The following RASSF3 variants were observed in gnomAD, a reference collection of about 807,000 sequenced individuals.
RASSF3 encodes ras association domain-containing protein 3.
In RASSF3, 19 loss-of-function variants were observed where a neutral mutation model predicts 19.9. That is an observed-to-expected ratio of 0.96 (90% confidence interval 0.67 to 1.40). The LOEUF (loss-of-function observed/expected upper bound fraction) is 1.40, where lower values mean the gene tolerates loss of function less well. RASSF3 is among the 40% of genes most tolerant of loss of function. The probability of loss-of-function intolerance (pLI) is 0.00; values close to 1 mark genes in which losing one functional copy is unlikely to be tolerated. For missense variants in RASSF3, 306 were observed against 289.8 expected (o/e 1.06, Z -0.41); for synonymous variants, 110 against 104.2 (o/e 1.06, Z -0.34).
At chr12:64,516,998 CAAAAAAAAAAAAAAA>C (rs371430838) in intron 1 of RASSF3, among the ~76,000 whole-genome samples, 161 of 51,976 alleles carry the variant, frequency 3.1e-3, no homozygotes, top group Middle Eastern at 0.022. Flanking sequence ...AAATCTGTCT[CAAAAAAAAAAAAAAA>C]AAAAAAAAGA....
chr12:64,584,139 G>A (rs1360130897), intron 2 of RASSF3, among the ~76,000 whole-genome samples: 1 of 152,188 alleles, frequency 6.6e-6, no homozygotes, highest in Non-Finnish European at 1.5e-5. Context: ...TATAACTTAT[G>A]AGCTGCAGCA....
At chr12:64,613,487 G>A (rs1870444506) in intron 1 of RASSF3, among the ~76,000 whole-genome samples, 1 of 152,020 alleles carries the variant, frequency 6.6e-6, no homozygotes, top group African/African-American at 2.4e-5. Context: ...GGAGCGGGTG[G>A]ACTGGAAATT....
At chr12:64,667,449 C>T (rs1054004184) in intron 1 of RASSF3, among the ~76,000 whole-genome samples, 12 of 152,194 alleles carry the variant, frequency 7.9e-5, no homozygotes, top group South Asian at 2.1e-4. Flanking sequence ...GCCTCAGCCT[C>T]CCAAAGTACT....
At chr12:64,542,761 G>A (rs536576415), downstream of RASSF3, among the ~76,000 whole-genome samples, 1 of 152,328 alleles carries the variant, frequency 6.6e-6, no homozygotes, top group East Asian at 1.9e-4. Flanking sequence ...ATGGTGGTGA[G>A]AGGTGACAGC....
chr12:64,670,698 C>G (rs1872674969), intron 1 of RASSF3, among the ~76,000 whole-genome samples: 1 of 152,124 alleles, frequency 6.6e-6, no homozygotes, highest in Admixed American at 6.5e-5. Flanking sequence ...TTGTCAGTGG[C>G]CCTGGCCAGA....
At chr12:64,557,182 G>C (rs1025789512) in intron 2 of RASSF3, among the ~76,000 whole-genome samples, 1 of 151,964 alleles carries the variant, frequency 6.6e-6, no homozygotes, top group Non-Finnish European at 1.5e-5. Context: ...TCTCACCTTG[G>C]CAGTTCTCAG....
intron 1 of RASSF3, among the ~76,000 whole-genome samples, chr12:64,682,566 C>CA (rs549058845): frequency 0.067 from 5,410 of 81,150 alleles, 390 homozygotes; most frequent in African/African-American, 0.2. Context: ...GACTCCGTCT[C>CA]AAAAAAAAAA....
At chr12:64,635,561 C>G (rs1232306582) in intron 1 of RASSF3, among the ~76,000 whole-genome samples, 2 of 152,204 alleles carry the variant, frequency 1.3e-5, no homozygotes, top group Non-Finnish European at 2.9e-5. Flanking sequence ...CATACTGATT[C>G]ATCTCATTCT....
intron 2 of RASSF3, among the ~76,000 whole-genome samples, chr12:64,603,171 T>G (rs4964093): frequency 0.32 from 49,322 of 151,910 alleles, 9,463 homozygotes; most frequent in Non-Finnish European, 0.43. Flanking sequence ...AACTTTTTTT[T>G]TTGTTGTTGT....
rs904112147 is a variant in RASSF3, at chr12:64,603,910, C to T, written c.294+62205C>T. ...GTCGCCAGGCTGGAGTGCAGTGGCA[C>T]GATCTTGGCTCACTGCAATGTCTGC... On this transcript the variant is annotated intron_variant, in intron 2 of 5. Coordinates refer to the RASSF3 transcript ENST00000637125. 2.6e-5 allele frequency among the ~76,000 whole-genome samples: 4 copies of T among 151,134 alleles called. No individual in the cohort carries two copies. In the East Asian group the frequency reaches 7.8e-4, roughly 30 times the overall value.
At chr12:64,655,034 T>G (rs537928343) in intron 1 of RASSF3, 84 of 152,314 alleles carry the variant, frequency 5.5e-4, no homozygotes, top group African/African-American at 1.8e-3. Context: ...CCAGTACGTA[T>G]CCCAAGACAA....
intron 1 of RASSF3, among the ~76,000 whole-genome samples, chr12:64,639,394 T>C (rs142875285): frequency 1.0e-3 from 152 of 152,148 alleles, no homozygotes; most frequent in African/African-American, 3.6e-3. Flanking sequence ...TGCCCACCTG[T>C]AATTTGACTT....
intron 2 of RASSF3, among the ~76,000 whole-genome samples, chr12:64,563,227 C>T (rs1433092093): frequency 6.6e-6 from 1 of 150,990 alleles, no homozygotes; most frequent in South Asian, 2.1e-4. Context: ...AGGACAATTG[C>T]GTGATCTCGG....
intron 1 of RASSF3, among the ~76,000 whole-genome samples, chr12:64,663,840 C>CTTTTT (rs34450092): frequency 7.4e-4 from 54 of 73,056 alleles, no homozygotes; most frequent in African/African-American, 2.0e-3. Flanking sequence ...TTAGCCTTGC[C>CTTTTT]TTTTTTTTTT....
intron 3 of RASSF3, among the ~76,000 whole-genome samples, chr12:64,690,655 AT>A (rs976927025): frequency 3.7e-4 from 53 of 144,846 alleles, no homozygotes; most frequent in South Asian, 1.1e-3. Flanking sequence ...AGAAAAAAAA[AT>A]TTTTTTTTTT....
At chr12:64,618,238 C>T (rs562013397) in intron 1 of RASSF3, among the ~76,000 whole-genome samples, 4 of 152,326 alleles carry the variant, frequency 2.6e-5, no homozygotes, top group African/African-American at 9.6e-5. Flanking sequence ...CCTTAGCCTC[C>T]TGAGTATTCC....
At chr12:64,605,879 C>T (rs142475606), upstream of RASSF3, among the ~76,000 whole-genome samples, 2,502 of 125,084 alleles carry the variant, frequency 0.02, 78 homozygotes, top group African/African-American at 0.075. Context: ...AAGAGCGAAA[C>T]TCCGTCTCAA....
At chr12:64,571,534 A>G (rs1314547436) in intron 2 of RASSF3, among the ~76,000 whole-genome samples, 2 of 152,202 alleles carry the variant, frequency 1.3e-5, no homozygotes, top group East Asian at 1.9e-4. Flanking sequence ...GCTTCAGCAC[A>G]CATAAGCTTC....
rs2136136707 is a variant in RASSF3, at chr12:64,583,836, A to G, written c.294+42131A>G. Among the ~76,000 whole-genome samples, 2 of 152,316 alleles carry G rather than the reference A, an allele frequency of 1.3e-5. 1 individual carries two copies. Among genetic ancestry groups the G allele is most frequent in the South Asian group, 4.2e-4 (2 of 4,818 alleles). On this transcript the variant is annotated intron_variant, in intron 2 of 5. Transcript: ENST00000637125. ...CACGTCCACTTCCTGTTTTCTTTTA[A>G]AGTTCACTGACAAGATCTTATTTTA...
Sources: allele counts gnomAD v4.1 joint callset (sites outside exome capture counted in the v4.1 genomes callset), GRCh38; gene constraint gnomAD v4.1.1; transcripts MANE v1.5; gene names NCBI Gene and HGNC (gene_info 2026-07-23, HGNC 2026-07-21).